PKNOX2: variants seen among roughly 807,000 people sequenced by gnomAD.
The protein encoded by PKNOX2 is PBX/knotted 1 homeobox 2.
In PKNOX2, 14 loss-of-function variants were observed where a neutral mutation model predicts 53.1. The observed-to-expected ratio is 0.26, with a 90% CI of 0.17 to 0.41. The LOEUF (loss-of-function observed/expected upper bound fraction) is 0.41. Among genes scored for constraint, PKNOX2 ranks in the 10% least tolerant of loss-of-function variants. The pLI, the probability that PKNOX2 is intolerant of heterozygous loss-of-function variation, is 1.00. For synonymous variants in PKNOX2, 257 were observed against 242.8 expected, an observed-to-expected ratio of 1.06 and a Z score of -0.54; for missense variants, 496 against 602.8, an observed-to-expected ratio of 0.82 and a Z score of 1.85.
intron 2 of PKNOX2, among the ~76,000 whole-genome samples, chr11:125,299,629 T>A (rs980584063): frequency 6.6e-6 from 1 of 152,158 alleles, no homozygotes; most frequent in African/African-American, 2.4e-5. Context: ...TAATTATATC[T>A]GCCATGTTGG....
At chr11:125,171,079 C>T (rs1367991674) in intron 1 of PKNOX2, among the ~76,000 whole-genome samples, 1 of 152,106 alleles carries the variant, frequency 6.6e-6, no homozygotes, top group Non-Finnish European at 1.5e-5. Context: ...CTCATTAGGA[C>T]GTAGTCTTTT....
intron 3 of PKNOX2, among the ~76,000 whole-genome samples, chr11:125,336,147 T>A (rs1950422856): frequency 6.6e-6 from 1 of 152,212 alleles, no homozygotes; most frequent in African/African-American, 2.4e-5. Flanking sequence ...TTTATTGTAG[T>A]TATTTTTTAA....
At chr11:125,404,622 T>TCACACACACACAAA (rs1178147004) in intron 7 of PKNOX2, among the ~76,000 whole-genome samples, 7 of 146,426 alleles carry the variant, frequency 4.8e-5, no homozygotes, top group Non-Finnish European at 1.1e-4. Flanking sequence ...AACACACACA[T>TCACACACACACAAA]CACACACACA....
At position 125,335,583 on chromosome 11, in the gene PKNOX2, T is replaced by TGGA. The variant is rs1315878924; in HGVS notation, c.-23+3658_-23+3659insGGA. Among the ~76,000 whole-genome samples, 3 of 152,220 alleles carry TGGA rather than the reference T, an allele frequency of 2.0e-5. No homozygotes were observed. In the East Asian group the frequency reaches 5.8e-4, roughly 29 times the overall value. ...CCAGGCCAGTCTTTGGACTGAGCAC[T>TGGA]TATAGTCAAGAACTTAGAGTTGTTA... On this transcript the variant is annotated intron_variant, in intron 3 of 12. Transcript: ENST00000298282.
At chr11:125,229,440 C>T (rs1942009397) in intron 1 of PKNOX2, among the ~76,000 whole-genome samples, 1 of 152,198 alleles carries the variant, frequency 6.6e-6, no homozygotes, top group South Asian at 2.1e-4. Flanking sequence ...ATCCAGATTT[C>T]TAAATGTGAA....
intron 2 of PKNOX2, among the ~76,000 whole-genome samples, chr11:125,241,443 C>T (rs1256633456): frequency 6.6e-6 from 1 of 152,246 alleles, no homozygotes; most frequent in African/African-American, 2.4e-5. Flanking sequence ...TAGACCATCA[C>T]AAGACTCAAA....
At chr11:125,218,043 TCTC>T (rs1158356837) in intron 1 of PKNOX2, among the ~76,000 whole-genome samples, 1 of 152,092 alleles carries the variant, frequency 6.6e-6, no homozygotes, top group African/African-American at 2.4e-5. Flanking sequence ...GTCTTCTCCT[TCTC>T]CTCTTAGAGC....
At chr11:125,303,593 G>A (rs1452988125) in intron 2 of PKNOX2, among the ~76,000 whole-genome samples, 6 of 152,280 alleles carry the variant, frequency 3.9e-5, no homozygotes, top group African/African-American at 1.4e-4. Context: ...AAGGTTCCCC[G>A]GCTCCATGAC....
chr11:125,332,584 G>A (rs1042548321), intron 3 of PKNOX2: 15 of 152,034 alleles, frequency 9.9e-5, no homozygotes, highest in African/African-American at 9.7e-5. Flanking sequence ...GTAGAAATCC[G>A]GTTATCCGAA....
In PKNOX2 at chr11:125,195,513, T is replaced by C. The variant is rs186380016; in HGVS notation, c.-201+30737T>C. On this transcript the variant is annotated intron_variant, in intron 1 of 12. Transcript: ENST00000298282. ...AGGTCTTGGGGACGGTCGAGGGTCC[T>C]GGTTTGTGTGGAGGCCAAAAGAGGA... 2.9e-4 allele frequency among the ~76,000 whole-genome samples: 44 copies of C among 152,138 alleles called. No individual in the cohort carries two copies. The East Asian group carries it at 7.5e-3, about 26-fold the overall frequency.
intron 3 of PKNOX2, among the ~76,000 whole-genome samples, chr11:125,336,943 A>C (rs1392155723): frequency 6.7e-6 from 1 of 148,926 alleles, no homozygotes; most frequent in Non-Finnish European, 1.5e-5. Context: ...ATAATATATA[A>C]TTATATATGA....
chr11:125,382,131 C>T (rs911811671), intron 5 of PKNOX2, among the ~76,000 whole-genome samples: 1 of 152,214 alleles, frequency 6.6e-6, no homozygotes, highest in African/African-American at 2.4e-5. Flanking sequence ...ACAAACAGCA[C>T]AGAGAACATG....
chr11:125,251,785 A>AAT (rs61255158), intron 2 of PKNOX2, among the ~76,000 whole-genome samples: 72,370 of 146,040 alleles, frequency 0.5, 18,414 homozygotes, highest in East Asian at 0.72. Context: ...ATATTATATA[A>AAT]ATATATATAT....
chr11:125,282,876 G>T (rs1377415097), intron 2 of PKNOX2, among the ~76,000 whole-genome samples: 1 of 152,254 alleles, frequency 6.6e-6, no homozygotes, highest in Non-Finnish European at 1.5e-5. Flanking sequence ...AGCCAGCCGG[G>T]CATGCTGGCC....
intron 2 of PKNOX2, among the ~76,000 whole-genome samples, chr11:125,269,122 G>A (rs1945585982): frequency 6.6e-6 from 1 of 152,168 alleles, no homozygotes; most frequent in Admixed American, 6.5e-5. Flanking sequence ...GAAAAATAAA[G>A]AAAGTGTGAA....
chr11:125,241,908 A>C (rs1033655506), intron 2 of PKNOX2, among the ~76,000 whole-genome samples: 5 of 152,130 alleles, frequency 3.3e-5, no homozygotes, highest in Non-Finnish European at 1.5e-5. Context: ...GAAAGGATGA[A>C]GGATGAATGT....
chr11:125,355,947 G>A (rs528750660), intron 4 of PKNOX2, among the ~76,000 whole-genome samples: 97 of 151,972 alleles, frequency 6.4e-4, no homozygotes, highest in Non-Finnish European at 9.6e-4. Context: ...CAGCCACTCC[G>A]GGGAGCCATC....
intron 1 of PKNOX2, among the ~76,000 whole-genome samples, chr11:125,176,319 T>A (rs995730214): frequency 6.6e-6 from 1 of 152,174 alleles, no homozygotes; most frequent in Non-Finnish European, 1.5e-5. Flanking sequence ...ATTCACTAGA[T>A]AGATTTTTAC....
At chr11:125,364,777 G>A (rs556579685) in intron 4 of PKNOX2, among the ~76,000 whole-genome samples, 63 of 152,288 alleles carry the variant, frequency 4.1e-4, no homozygotes, top group African/African-American at 1.5e-3. Context: ...TCAAATTCGA[G>A]CCTCACACCA....
Sources: gnomAD v4.1 joint callset for allele counts (sites outside exome capture counted in the v4.1 genomes callset) on GRCh38, gnomAD v4.1.1 for gene constraint, MANE v1.5 for transcripts, NCBI Gene and HGNC (gene_info 2026-07-23, HGNC 2026-07-21) for gene names.